RAB40C: variants seen among roughly 807,000 people sequenced by gnomAD.
RAB40C encodes ras-related protein Rab-40C.
Under a neutral mutation model 28.1 loss-of-function variants are expected in RAB40C, and 8 were observed. The ratio of observed to expected loss-of-function variants is 0.28; its 90% CI spans 0.17 to 0.51. The LOEUF (loss-of-function observed/expected upper bound fraction) is 0.51, where lower values mean the gene tolerates loss of function less well. RAB40C is among the 20% of genes least tolerant of loss of function. The probability of loss-of-function intolerance (pLI) is 0.97; values close to 1 mark genes in which losing one functional copy is unlikely to be tolerated. For synonymous variants in RAB40C, 201 were observed against 171.7 expected (o/e 1.17, Z -1.34); for missense variants, 288 against 405.9 (o/e 0.71, Z 2.50).
chr16:614,753 C>T (rs960990410), intron 1 of RAB40C, among the ~76,000 whole-genome samples: 2 of 151,822 alleles, frequency 1.3e-5, no homozygotes, highest in African/African-American at 4.8e-5. Context: ...TGGTGAACTG[C>T]TAACTCTGCC....
chr16:625,802 A>G (rs2036816991), intron 4 of RAB40C, 97 bp from the exon 5 acceptor site: 2 of 1,235,834 alleles, frequency 1.6e-6, no homozygotes, highest in East Asian at 5.1e-5. Context: ...CACGGCCCTC[A>G]CCCCATCATA....
intron 1 of RAB40C, among the ~76,000 whole-genome samples, chr16:602,028 A>G (rs1224020946): frequency 1.3e-5 from 2 of 151,988 alleles, no homozygotes; most frequent in Non-Finnish European, 2.9e-5. Flanking sequence ...CAGGAGGCTG[A>G]GGCAAGAGAA....
Position 618,296 on chromosome 16 carries a change from A to G in RAB40C, c.264+36A>G, listed in dbSNP as rs758539744. 6.4e-6 allele frequency: 10 copies of G among 1,564,042 alleles called. No homozygotes were observed. The South Asian group carries it at 9.3e-5, about 15-fold the overall frequency. On this transcript the variant is annotated intron_variant, in intron 3 of 5. Coordinates refer to ENST00000248139, the MANE Select transcript of RAB40C (RefSeq NM_021168.5). Reference sequence around the variant, plus strand: ...CACCGCTCTTTCCATTGCTTTTCAAAGGATGTTTCTCCTGATTCTTTCTGA... The same window carrying G: ...CACCGCTCTTTCCATTGCTTTTCAAGGGATGTTTCTCCTGATTCTTTCTGA...
rs1596421701 is a variant in RAB40C at position 627,688 on chromosome 16, G to A, written c.*66G>A. Reference sequence around the variant, plus strand: ...TCGAGCTGGACACTCCTGGCTGGACGCCAGGCCAGTGCCGCCTACGTGGAG... The same window carrying A: ...TCGAGCTGGACACTCCTGGCTGGACACCAGGCCAGTGCCGCCTACGTGGAG... On this transcript the variant is annotated 3_prime_UTR_variant, in exon 6 of 6. Transcript: ENST00000248139. The A allele has an allele frequency of 1.1e-5, 16 of 1,492,630 alleles. No homozygotes were observed. The highest frequency in any genetic ancestry group is 3.9e-4 in the Middle Eastern group (2 of 5,138). 92.5% of individuals were successfully genotyped at this position (1,492,630 alleles called of 1,614,324 possible). A position where few individuals can be genotyped will look rare whatever the true frequency, so the allele number is the denominator to read the frequency against.
chr16:597,233 G>C (rs2036146291), intron 1 of RAB40C, among the ~76,000 whole-genome samples: 1 of 152,234 alleles, frequency 6.6e-6, no homozygotes. Flanking sequence ...AGGGCTTGGT[G>C]CTGGGGGGCC....
intron 1 of RAB40C, chr16:616,873 C>A (rs754791113): frequency 2.8e-6 from 1 of 353,714 alleles, no homozygotes; most frequent in Non-Finnish European, 5.3e-6. Context: ...TTGCACCCAG[C>A]GCGGGCCACA....
chr16:624,243 G>C (rs1366630860), intron 3 of RAB40C: 7 of 985,238 alleles, frequency 7.1e-6, no homozygotes, highest in Non-Finnish European at 6.0e-6. Context: ...TGTGTTGTAC[G>C]CTTTGGTGGC....
intron 3 of RAB40C, chr16:623,982 C>G (rs2036774687): frequency 1.0e-6 from 1 of 985,326 alleles, no homozygotes; most frequent in African/African-American, 1.7e-5. Flanking sequence ...TGCGTTCTTA[C>G]CTCACCTGGG....
Position 622,306 on chromosome 16 carries a change from CG to C in RAB40C, c.265-3121del, listed in dbSNP as rs552958259. 2.6e-5 allele frequency among the ~76,000 whole-genome samples: 4 copies of C among 152,142 alleles called. No homozygotes were observed. In the East Asian group the frequency reaches 5.8e-4, roughly 22 times the overall value. On this transcript the variant is annotated intron_variant, in intron 3 of 5. Coordinates refer to ENST00000248139, the MANE Select transcript of RAB40C (RefSeq NM_021168.5). ...GGCGCAGTACCAGTTCACGAGCAGGCGGGGGTGCTGGGCCTGAGCTCAGGGC... is the reference window on the plus strand; with the variant it reads ...GGCGCAGTACCAGTTCACGAGCAGGCGGGGTGCTGGGCCTGAGCTCAGGGC...
chr16:618,332 T>C, intron 3 of RAB40C, 72 bp downstream of exon 3: 2 of 1,437,458 alleles, frequency 1.4e-6, no homozygotes, highest in African/African-American at 1.4e-5. Context: ...ATGTGAGTTG[T>C]TGTCCTGTCA....
chr16:600,214 T>C (rs1452728558), intron 1 of RAB40C, among the ~76,000 whole-genome samples: 1 of 152,064 alleles, frequency 6.6e-6, no homozygotes, highest in Non-Finnish European at 1.5e-5. Flanking sequence ...TGGAACAGTC[T>C]GTACTTCCAG....
At chr16:620,135 C>G (rs1434703611) in intron 3 of RAB40C, among the ~76,000 whole-genome samples, 1 of 152,228 alleles carries the variant, frequency 6.6e-6, no homozygotes, top group African/African-American at 2.4e-5. Flanking sequence ...TGGTTCACGC[C>G]TGTAATCCCA....
intron 1 of RAB40C, among the ~76,000 whole-genome samples, chr16:591,689 T>G (rs2036002637): frequency 6.6e-6 from 1 of 151,860 alleles, no homozygotes; most frequent in African/African-American, 2.4e-5. Flanking sequence ...CCTCCTGGGT[T>G]CAAGCGATTC....
chr16:621,752 C>T (rs1243107652), intron 3 of RAB40C, among the ~76,000 whole-genome samples: 1 of 152,200 alleles, frequency 6.6e-6, no homozygotes, highest in Non-Finnish European at 1.5e-5. Context: ...ATGTGCCATC[C>T]TGTTTAGCTG....
At chr16:600,015 C>T (rs1596400784) in intron 1 of RAB40C, among the ~76,000 whole-genome samples, 2 of 148,128 alleles carry the variant, frequency 1.4e-5, no homozygotes, top group African/African-American at 5.0e-5. Context: ...CATCAGTCAG[C>T]GTGGATTCGC....
At chr16:618,610 T>C (rs2036640100) in intron 3 of RAB40C, among the ~76,000 whole-genome samples, 1 of 151,314 alleles carries the variant, frequency 6.6e-6, no homozygotes, top group Non-Finnish European at 1.5e-5. Flanking sequence ...TGTGCAGCCA[T>C]GTGCACAGGT....
At chr16:621,949 A>G (rs1469686064) in intron 3 of RAB40C, among the ~76,000 whole-genome samples, 2 of 152,156 alleles carry the variant, frequency 1.3e-5, no homozygotes, top group Non-Finnish European at 1.5e-5. Flanking sequence ...GCGGCTTGGC[A>G]GTAGCTCCCA....
intron 1 of RAB40C, among the ~76,000 whole-genome samples, chr16:590,736 G>T (rs368764890): frequency 6.6e-6 from 1 of 152,212 alleles, no homozygotes; most frequent in East Asian, 1.9e-4. Context: ...ATGGGTCCGG[G>T]ATCTGGAGCC....
intron 4 of RAB40C, 134 bp from the exon 5 acceptor site, chr16:625,765 C>T (rs945402834): frequency 1.0e-6 from 1 of 982,484 alleles, no homozygotes; most frequent in Admixed American, 2.2e-5. Context: ...GGTCTGCCCA[C>T]CTTGACCTCC....
Sources: gnomAD v4.1 joint callset for allele counts (sites outside exome capture counted in the v4.1 genomes callset) on GRCh38, gnomAD v4.1.1 for gene constraint, MANE v1.5 for transcripts, NCBI Gene and HGNC (gene_info 2026-07-23, HGNC 2026-07-21) for gene names.